PHACTR4: variants seen among roughly 807,000 people sequenced by gnomAD.
The protein encoded by PHACTR4 is phosphatase and actin regulator 4.
PHACTR4 carries 51 observed loss-of-function variants against 72.7 expected under a neutral mutation model. The ratio of observed to expected loss-of-function variants is 0.70; its 90% CI spans 0.56 to 0.89. The LOEUF (loss-of-function observed/expected upper bound fraction) is 0.89. Among genes scored for constraint, PHACTR4 ranks in the 40% least tolerant of loss-of-function variants. PHACTR4 has a pLI of 0.00. For missense variants in PHACTR4, 731 were observed against 861.8 expected (o/e 0.85, Z 1.90); for synonymous variants, 255 against 302.5 (o/e 0.84, Z 1.63).
chr1:28,492,866 T>G, intron 12 of PHACTR4, 149 bp from the exon 13 acceptor site: 1 of 571,756 alleles, frequency 1.7e-6, no homozygotes, highest in East Asian at 2.7e-5. Context: ...ATGAGACAGA[T>G]GGGTATCATT....
chr1:28,432,021 C>T (rs1227661463), intron 2 of PHACTR4, among the ~76,000 whole-genome samples: 1 of 151,660 alleles, frequency 6.6e-6, no homozygotes, highest in Non-Finnish European at 1.5e-5. Context: ...CGAGCCTGAC[C>T]AACATGGTGA....
At chr1:28,471,510 C>T (rs1256058501) in intron 6 of PHACTR4, among the ~76,000 whole-genome samples, 1 of 145,698 alleles carries the variant, frequency 6.9e-6, no homozygotes, top group East Asian at 2.0e-4. Context: ...GGTTGGTGAT[C>T]AAAAGAACTA....
chr1:28,437,512 G>T (rs1656708479), intron 2 of PHACTR4, among the ~76,000 whole-genome samples: 1 of 152,226 alleles, frequency 6.6e-6, no homozygotes, highest in Non-Finnish European at 1.5e-5. Flanking sequence ...TTACAGGCAT[G>T]AGTCACCAGG....
At chr1:28,378,862 A>G (rs1301423274) in intron 1 of PHACTR4, among the ~76,000 whole-genome samples, 1 of 152,204 alleles carries the variant, frequency 6.6e-6, no homozygotes, top group Non-Finnish European at 1.5e-5. Flanking sequence ...AGTGGTGGAC[A>G]TGGAAGGTGA....
Position 28,479,539 on chromosome 1 carries a change from T to C in PHACTR4, c.1607-912T>C, listed in dbSNP as rs547519795. On this transcript the variant is annotated intron_variant, in intron 8 of 13. Transcript: ENST00000373839. ...CGGAGGTTGCAGTGAGCCGAGATCTTGCCACTGCACTGCAACCTGGGCAAC... is the reference window on the plus strand; with the variant it reads ...CGGAGGTTGCAGTGAGCCGAGATCTCGCCACTGCACTGCAACCTGGGCAAC... Among the ~76,000 whole-genome samples the C allele has an allele frequency of 9.3e-4, 135 of 145,864 alleles. 2 individuals carry two copies. The East Asian group carries it at 0.023, about 25-fold the overall frequency.
At chr1:28,376,108 C>T (rs114867856) in intron 1 of PHACTR4, among the ~76,000 whole-genome samples, 2,632 of 151,984 alleles carry the variant, frequency 0.017, 65 homozygotes, top group African/African-American at 0.059. Flanking sequence ...CTTTCACAGC[C>T]GTGTCTTCAC....
intron 9 of PHACTR4, among the ~76,000 whole-genome samples, chr1:28,484,277 C>T (rs1057462191): frequency 9.9e-5 from 15 of 152,038 alleles, no homozygotes; most frequent in Admixed American, 1.3e-4. Flanking sequence ...GCTGAGATCA[C>T]ACCATGGCAC....
In PHACTR4 at chr1:28,475,709, T is replaced by C. The variant is rs549084689; in HGVS notation, c.1422-398T>C. On this transcript the variant is annotated intron_variant, in intron 7 of 13. Transcript: ENST00000373839. Reference sequence around the variant, plus strand: ...TCATCCATAGATTTTTTTGTATTTATGGTTATTTCAGTCCTTTGTCTTTTT... The same window carrying C: ...TCATCCATAGATTTTTTTGTATTTACGGTTATTTCAGTCCTTTGTCTTTTT... Among the ~76,000 whole-genome samples, 14 of 151,502 alleles carry C rather than the reference T, an allele frequency of 9.2e-5. No homozygotes were observed. The South Asian group carries it at 2.9e-3, about 31-fold the overall frequency.
In PHACTR4 at chr1:28,386,605, A is replaced by T. The variant is rs1041991815; in HGVS notation, c.-39+16780A>T. Reference sequence around the variant, plus strand: ...TTGCTTTATGAATCTGGGTGCTCCTATGTTGGGTATATATATGTGGCGGTG... The same window carrying T: ...TTGCTTTATGAATCTGGGTGCTCCTTTGTTGGGTATATATATGTGGCGGTG... On this transcript the variant is annotated intron_variant, in intron 1 of 13. Coordinates refer to ENST00000373839, the MANE Select transcript of PHACTR4 (RefSeq NM_001048183.3). 7.9e-5 allele frequency among the ~76,000 whole-genome samples: 12 copies of T among 152,076 alleles called. No homozygotes were observed. In the South Asian group the frequency reaches 1.2e-3, roughly 16 times the overall value.
At chr1:28,451,669 G>T (rs1289220286) in intron 2 of PHACTR4, among the ~76,000 whole-genome samples, 1 of 151,686 alleles carries the variant, frequency 6.6e-6, no homozygotes, top group Admixed American at 6.6e-5. Context: ...CTTTGAGACA[G>T]GGTCTCACTT....
intron 2 of PHACTR4, among the ~76,000 whole-genome samples, chr1:28,454,350 C>G (rs1047259982): frequency 7.0e-6 from 1 of 141,888 alleles, no homozygotes; most frequent in Non-Finnish European, 1.5e-5. Context: ...GATCTCGGCT[C>G]TCTGCAAGCT....
At position 28,496,424 on chromosome 1, in the gene PHACTR4, G is replaced by A. The variant is rs1570131870; in HGVS notation, c.2094-110G>A. The A allele has an allele frequency of 8.9e-6, 11 of 1,231,112 alleles. No individual in the cohort carries two copies. In the East Asian group the frequency reaches 9.3e-5, roughly 10 times the overall value. The allele number at this position is 1,231,112 out of a possible 1,614,324, so 76.3% of individuals were successfully genotyped here. On this transcript the variant is annotated intron_variant, in intron 13 of 13. Coordinates refer to ENST00000373839, the MANE Select transcript of PHACTR4 (RefSeq NM_001048183.3). ...AACAGAAAGGTCAGGTCGAATTAGA[G>A]CAGAGGAAAGGCAGTGTTAATTAGG...
At chr1:28,378,128 C>G (rs1232230899) in intron 1 of PHACTR4, among the ~76,000 whole-genome samples, 2 of 145,454 alleles carry the variant, frequency 1.4e-5, no homozygotes, top group East Asian at 4.0e-4. Flanking sequence ...ACCTGGGAGG[C>G]ACGGCTTGCA....
At chr1:28,444,243 T>TTTTTTTTTTTTTTTTTTTTTTTTTTTC (rs1553194313) in intron 2 of PHACTR4, among the ~76,000 whole-genome samples, 1 of 97,376 alleles carries the variant, frequency 1.0e-5, no homozygotes, top group Non-Finnish European at 2.1e-5. Flanking sequence ...TTTTTTTTTT[T>TTTTTTTTTTTTTTTTTTTTTTTTTTTC]TGAGACAGAG....
In PHACTR4 at chr1:28,473,633, A is replaced by G. The variant is rs1570065014; in HGVS notation, c.903A>G (p.Pro301=). 25 of 1,614,024 alleles carry G rather than the reference A, an allele frequency of 1.5e-5. No homozygotes were observed. Among genetic ancestry groups the G allele is most frequent in the Non-Finnish European group, 2.1e-5 (25 of 1,179,996 alleles). ...SPPLPPKRGI[P]STSVPTLESA... ...CCTTACCACCTAAGAGAGGCATTCC[A>G]TCAACCTCAGTACCCACCTTGGAGT... Residue 301 remains proline, a synonymous_variant, in exon 7 of 14, where the codon CCA becomes CCG. Transcript: ENST00000373839.
At chr1:28,448,589 TAA>T (rs747826049) in intron 2 of PHACTR4, among the ~76,000 whole-genome samples, 6,066 of 95,452 alleles carry the variant, frequency 0.064, 412 homozygotes, top group African/African-American at 0.18. Context: ...CATCTCTACT[TAA>T]AAAAAAAAAA....
chr1:28,446,582 C>T (rs1657485340), intron 2 of PHACTR4, among the ~76,000 whole-genome samples: 1 of 152,106 alleles, frequency 6.6e-6, no homozygotes, highest in Non-Finnish European at 1.5e-5. Context: ...AGTTCAAGAC[C>T]AGCCTGGCCA....
chr1:28,479,844 A>T (rs1289253911), intron 8 of PHACTR4, among the ~76,000 whole-genome samples: 1 of 152,080 alleles, frequency 6.6e-6, no homozygotes, highest in Non-Finnish European at 1.5e-5. Context: ...AATGAGCTGA[A>T]ATCGTGACAC....
chr1:28,460,105 A>G (rs1188374934), intron 3 of PHACTR4, 107 bp from the exon 4 acceptor site: 5 of 618,434 alleles, frequency 8.1e-6, no homozygotes, highest in Admixed American at 3.6e-5. Flanking sequence ...TCCTGAGAAT[A>G]TAAACTTAAA....
Sources: gnomAD v4.1 joint callset for allele counts (sites outside exome capture counted in the v4.1 genomes callset) on GRCh38, gnomAD v4.1.1 for gene constraint, MANE v1.5 for transcripts, NCBI Gene and HGNC (gene_info 2026-07-23, HGNC 2026-07-21) for gene names.